Variants in NR3C2 observed in about 807,000 individuals in gnomAD.
The protein encoded by NR3C2 is mineralocorticoid receptor.
NR3C2 carries 15 observed loss-of-function variants against 86.4 expected under a neutral mutation model. That is an observed-to-expected ratio of 0.17 (90% CI 0.12 to 0.27). NR3C2 has a LOEUF of 0.27. NR3C2 is among the 10% of genes least tolerant of loss of function. NR3C2 has a pLI of 1.00. For synonymous variants in NR3C2, 458 were observed against 450.5 expected (o/e 1.02, Z -0.21); for missense variants, 960 against 1,195.6 (o/e 0.80, Z 2.91).
intron 4 of NR3C2, among the ~76,000 whole-genome samples, chr4:148,180,767 A>G (rs894423399): frequency 6.6e-6 from 1 of 152,168 alleles, no homozygotes; most frequent in African/African-American, 2.4e-5. Context: ...CTATGTTGTT[A>G]TAAATTTTCA....
chr4:148,244,054 C>T (rs78597632), intron 3 of NR3C2, among the ~76,000 whole-genome samples: 5,203 of 152,264 alleles, frequency 0.034, 319 homozygotes, highest in African/African-American at 0.12. Flanking sequence ...GCAGTGACGT[C>T]CACGTACAGG....
At chr4:148,444,029 C>T (rs888310050), upstream of NR3C2, 4 of 985,266 alleles carry the variant, frequency 4.1e-6, no homozygotes, top group African/African-American at 7.0e-5. Flanking sequence ...GAGTCCCCGC[C>T]GAGCGTCCCA....
chr4:148,406,246 G>C (rs1045460634), intron 2 of NR3C2, among the ~76,000 whole-genome samples: 1 of 152,062 alleles, frequency 6.6e-6, no homozygotes, highest in African/African-American at 2.4e-5. Flanking sequence ...TAGAAGGGAG[G>C]AGAGTTAAAC....
At chr4:148,302,875 T>C (rs1742412849) in intron 2 of NR3C2, among the ~76,000 whole-genome samples, 1 of 151,366 alleles carries the variant, frequency 6.6e-6, no homozygotes, top group Non-Finnish European at 1.5e-5. Flanking sequence ...AAAAGTTACT[T>C]TCCAGCAGGC....
At chr4:148,406,162 T>C (rs1383432190) in intron 2 of NR3C2, among the ~76,000 whole-genome samples, 1 of 151,680 alleles carries the variant, frequency 6.6e-6, no homozygotes, top group Non-Finnish European at 1.5e-5. Flanking sequence ...GGAGACTGTC[T>C]CAAAACAAAA....
chr4:148,176,838 C>T (rs540880749), intron 4 of NR3C2, among the ~76,000 whole-genome samples: 2 of 152,110 alleles, frequency 1.3e-5, no homozygotes, highest in Non-Finnish European at 2.9e-5. Flanking sequence ...ACACTGTGAT[C>T]CCCCTATACA....
intron 2 of NR3C2, among the ~76,000 whole-genome samples, chr4:148,410,140 T>C (rs1034597697): frequency 6.6e-6 from 1 of 152,218 alleles, no homozygotes; most frequent in Non-Finnish European, 1.5e-5. Context: ...AAAAACCATG[T>C]CCAACTTTTA....
At chr4:148,244,693 C>CTAGA (rs2149852799) in intron 3 of NR3C2, among the ~76,000 whole-genome samples, 1 of 152,208 alleles carries the variant, frequency 6.6e-6, no homozygotes, top group South Asian at 2.1e-4. Context: ...GAGGAAGAGC[C>CTAGA]TAGTATTTTT....
chr4:148,309,465 TAC>T (rs1321117543), intron 2 of NR3C2, among the ~76,000 whole-genome samples: 1 of 151,912 alleles, frequency 6.6e-6, no homozygotes, highest in African/African-American at 2.4e-5. Flanking sequence ...ATTCTCTATA[TAC>T]AGTCATGAAC....
At chr4:148,108,184 G>A (rs1022446223) in intron 8 of NR3C2, among the ~76,000 whole-genome samples, 1 of 151,940 alleles carries the variant, frequency 6.6e-6, no homozygotes, top group Non-Finnish European at 1.5e-5. Context: ...TCTCACTGCA[G>A]CCTCTGCCTC....
chr4:148,137,186 C>A (rs1733386857), intron 6 of NR3C2, among the ~76,000 whole-genome samples: 1 of 151,964 alleles, frequency 6.6e-6, no homozygotes, highest in Non-Finnish European at 1.5e-5. Flanking sequence ...TAATCATAAC[C>A]ATAGGAAGGT....
intron 2 of NR3C2, among the ~76,000 whole-genome samples, chr4:148,421,653 T>C (rs1446904614): frequency 2.6e-5 from 4 of 152,194 alleles, no homozygotes; most frequent in Non-Finnish European, 4.4e-5. Context: ...CTAGCCATTT[T>C]CCCCATTAAT....
intron 2 of NR3C2, among the ~76,000 whole-genome samples, chr4:148,404,225 C>T (rs1476651353): frequency 6.6e-6 from 1 of 152,008 alleles, no homozygotes; most frequent in African/African-American, 2.4e-5. Context: ...CTGAAAACTC[C>T]AGTTTGAAAA....
intron 2 of NR3C2, among the ~76,000 whole-genome samples, chr4:148,366,776 C>A (rs1439914612): frequency 2.0e-5 from 3 of 152,032 alleles, no homozygotes; most frequent in East Asian, 1.9e-4. Context: ...ATTACCCCCC[C>A]AAAAAAACCC....
At chr4:148,390,896 A>G (rs1747514658) in intron 2 of NR3C2, among the ~76,000 whole-genome samples, 1 of 152,206 alleles carries the variant, frequency 6.6e-6, no homozygotes, top group African/African-American at 2.4e-5. Context: ...ACACCACAGT[A>G]ATTTGCTATA....
At chr4:148,169,250 A>G (rs1172159540) in intron 4 of NR3C2, among the ~76,000 whole-genome samples, 1 of 152,118 alleles carries the variant, frequency 6.6e-6, no homozygotes, top group Non-Finnish European at 1.5e-5. Flanking sequence ...ACTTACATAA[A>G]TTATTCTCAA....
At chr4:148,140,045 C>T (rs1337038939) in intron 6 of NR3C2, among the ~76,000 whole-genome samples, 1 of 152,212 alleles carries the variant, frequency 6.6e-6, no homozygotes, top group Non-Finnish European at 1.5e-5. Flanking sequence ...CAGAGCAGTG[C>T]CAGCAAAGCT....
intron 2 of NR3C2, among the ~76,000 whole-genome samples, chr4:148,324,872 C>G (rs1275131990): frequency 6.6e-6 from 1 of 152,158 alleles, no homozygotes; most frequent in Non-Finnish European, 1.5e-5. Flanking sequence ...TCGTAGAAAT[C>G]TTTTTGTTGT....
At chr4:148,110,798 C>T (rs537685601) in intron 8 of NR3C2, among the ~76,000 whole-genome samples, 1 of 152,234 alleles carries the variant, frequency 6.6e-6, no homozygotes, top group Non-Finnish European at 1.5e-5. Context: ...ACTGAAACTA[C>T]CCTTCCATTT....
Sources: allele counts gnomAD v4.1 joint callset (sites outside exome capture counted in the v4.1 genomes callset), GRCh38; gene constraint gnomAD v4.1.1; transcripts MANE v1.5; gene names NCBI Gene and HGNC (gene_info 2026-07-23, HGNC 2026-07-21).